Variants in SAMMSON observed in about 807,000 individuals in gnomAD.
SAMMSON encodes the protein long intergenic non-protein coding RNA 1212.
At chr3:70,269,775 A>C (rs1701956665) in intron 6 of SAMMSON, among the ~76,000 whole-genome samples, 1 of 152,214 alleles carries the variant, frequency 6.6e-6, no homozygotes, top group South Asian at 2.1e-4. Context: ...ATTATTCTCC[A>C]AATTGCTAAA....
At chr3:70,232,599 T>C (rs183840828) in intron 4 of SAMMSON, among the ~76,000 whole-genome samples, 3 of 151,974 alleles carry the variant, frequency 2.0e-5, no homozygotes, top group East Asian at 3.9e-4. Context: ...GGGGTTTCAC[T>C]GTGTGGGCCA....
intron 9 of SAMMSON, among the ~76,000 whole-genome samples, chr3:70,378,456 T>C (rs1312636336): frequency 6.6e-6 from 1 of 151,986 alleles, no homozygotes; most frequent in African/African-American, 2.4e-5. Flanking sequence ...GGAAGAAGGA[T>C]GAGGAAGGGT....
chr3:70,192,163 TC>T (rs1192528529), intron 4 of SAMMSON, among the ~76,000 whole-genome samples: 9 of 151,956 alleles, frequency 5.9e-5, no homozygotes, highest in Non-Finnish European at 1.3e-4. Context: ...TTACCCCCTT[TC>T]CCCCAAAGTG....
chr3:70,043,650 A>G (rs1306848322), intron 3 of SAMMSON, among the ~76,000 whole-genome samples: 1 of 152,012 alleles, frequency 6.6e-6, no homozygotes, highest in Admixed American at 6.6e-5. Context: ...GTAGTTTTTA[A>G]TTTTAATTTC....
rs376492150 is a variant in SAMMSON at position 70,219,202 on chromosome 3, A to G, written n.508-29905A>G. Among the ~76,000 whole-genome samples the G allele has an allele frequency of 5.9e-5, 9 of 152,330 alleles. No individual in the cohort carries two copies. In the East Asian group the frequency reaches 1.5e-3, roughly 26 times the overall value. ...AATATGGAAAAACAAGAATGCTCAC[A>G]TCTGCAAATTTGGGTTTGATAGTAT... is the stretch of plus-strand genomic sequence containing the variant. On this transcript the variant is annotated intron_variant and non_coding_transcript_variant, in intron 4 of 9. Transcript: ENST00000642114.
In SAMMSON at chr3:70,283,544, G is replaced by T. The variant is rs561295483; in HGVS notation, n.675-7635G>T. The T allele has an allele frequency of 1.8e-4, 28 of 152,238 alleles. 1 individual carries two copies. The highest frequency in any genetic ancestry group is 6.5e-4 in the African/African-American group (27 of 41,546). 9.4% of individuals were successfully genotyped at this position (152,238 alleles called of 1,614,324 possible). ...ACAGAACTGGGTTGAAATCACAAAT[G>T]TCAGCCTCCCCTAGCCTCTGTTACC... On this transcript the variant is annotated intron_variant and non_coding_transcript_variant, in intron 6 of 9. Transcript: ENST00000642114.
chr3:70,144,168 AC>A (rs1164233489), intron 4 of SAMMSON, among the ~76,000 whole-genome samples: 1 of 152,110 alleles, frequency 6.6e-6, no homozygotes, highest in Non-Finnish European at 1.5e-5. Context: ...TTATATTTTT[AC>A]CTTGACTTTT....
chr3:70,018,428 C>A (rs1372231966), intron 3 of SAMMSON, among the ~76,000 whole-genome samples: 1 of 151,920 alleles, frequency 6.6e-6, no homozygotes, highest in East Asian at 1.9e-4. Context: ...GTGGTGATAT[C>A]CCCTGTATCA....
At chr3:70,304,811 GA>G (rs1471903787) in intron 7 of SAMMSON, among the ~76,000 whole-genome samples, 3 of 151,902 alleles carry the variant, frequency 2.0e-5, no homozygotes, top group African/African-American at 7.3e-5. Flanking sequence ...CCAAATAGGC[GA>G]AAAAAATATC....
intron 4 of SAMMSON, among the ~76,000 whole-genome samples, chr3:70,164,972 C>G (rs1011162237): frequency 2.6e-5 from 4 of 152,006 alleles, no homozygotes; most frequent in African/African-American, 9.7e-5. Flanking sequence ...GCATTAGTAT[C>G]TGCAGTTTCA....
At chr3:70,431,215 C>T (rs1164191746) in intron 2 of SAMMSON, among the ~76,000 whole-genome samples, 1 of 152,066 alleles carries the variant, frequency 6.6e-6, no homozygotes, top group Non-Finnish European at 1.5e-5. Context: ...ATGGAGCCCT[C>T]ACTAAGTTGT....
At chr3:70,367,391 T>C (rs977534392) in intron 9 of SAMMSON, among the ~76,000 whole-genome samples, 1 of 151,608 alleles carries the variant, frequency 6.6e-6, no homozygotes, top group Admixed American at 6.6e-5. Flanking sequence ...TTTTAAATTT[T>C]TTAAAAATTT....
intron 5 of SAMMSON, among the ~76,000 whole-genome samples, chr3:70,249,426 T>A (rs2106649520): frequency 6.6e-6 from 1 of 152,284 alleles, no homozygotes; most frequent in South Asian, 2.1e-4. Context: ...TAACAGATAC[T>A]ACCATTGCTG....
chr3:70,062,970 A>G (rs927570486), intron 3 of SAMMSON, among the ~76,000 whole-genome samples: 1 of 152,076 alleles, frequency 6.6e-6, no homozygotes, highest in Non-Finnish European at 1.5e-5. Flanking sequence ...TTTATTTTTG[A>G]AAATGTTGAC....
chr3:70,186,408 C>T (rs576683924), intron 4 of SAMMSON, among the ~76,000 whole-genome samples: 3 of 152,112 alleles, frequency 2.0e-5, no homozygotes, highest in South Asian at 4.2e-4. Flanking sequence ...CAGGTGCATG[C>T]CACCATGCCT....
chr3:70,076,533 T>G (rs191683868), intron 4 of SAMMSON, among the ~76,000 whole-genome samples: 1 of 152,270 alleles, frequency 6.6e-6, no homozygotes, highest in East Asian at 1.9e-4. Context: ...AAAAAAGGGA[T>G]GCAATTAGCG....
intron 4 of SAMMSON, among the ~76,000 whole-genome samples, chr3:70,077,036 G>T (rs887084689): frequency 6.6e-6 from 1 of 152,054 alleles, no homozygotes; most frequent in Non-Finnish European, 1.5e-5. Context: ...TCTTTGTGGG[G>T]GGAATTTGAG....
chr3:70,199,336 G>C (rs2106718552), intron 4 of SAMMSON, among the ~76,000 whole-genome samples: 1 of 152,130 alleles, frequency 6.6e-6, no homozygotes, highest in Non-Finnish European at 1.5e-5. Flanking sequence ...GCAGACTCTG[G>C]AGGTCTCCTC....
intron 2 of SAMMSON, among the ~76,000 whole-genome samples, chr3:70,409,175 A>G (rs980617224): frequency 6.6e-6 from 1 of 152,196 alleles, no homozygotes; most frequent in African/African-American, 2.4e-5. Context: ...AAACTATACC[A>G]TCATACAATT....
Sources: allele counts gnomAD v4.1 joint callset (sites outside exome capture counted in the v4.1 genomes callset), GRCh38; gene constraint gnomAD v4.1.1; transcripts MANE v1.5; gene names NCBI Gene and HGNC (gene_info 2026-07-23, HGNC 2026-07-21).